TRABD2A: variants seen among roughly 807,000 people sequenced by gnomAD.
The protein encoded by TRABD2A is metalloprotease TIKI1.
Under a neutral mutation model 45.6 loss-of-function variants are expected in TRABD2A, and 43 were observed. The ratio of observed to expected loss-of-function variants is 0.94; its 90% CI spans 0.74 to 1.22. The LOEUF is 1.22. Ranked by LOEUF, TRABD2A falls within the 50% of genes most tolerant of loss-of-function variation. The pLI is 0.00. For missense variants in TRABD2A, 642 were observed against 652.4 expected, an observed-to-expected ratio of 0.98 and a Z score of 0.17; for synonymous variants, 269 against 265.0, an observed-to-expected ratio of 1.02 and a Z score of -0.15.
intron 6 of TRABD2A, 36 bp downstream of exon 6, chr2:84,823,917 G>A (rs200937976): frequency 6.2e-7 from 1 of 1,610,566 alleles, no homozygotes; most frequent in South Asian, 1.1e-5. Context: ...CTAGGGTAAA[G>A]GTGGATGCCA....
At chr2:84,843,929 A>G (rs927448303) in intron 2 of TRABD2A, 7 of 152,120 alleles carry the variant, frequency 4.6e-5, no homozygotes, top group Admixed American at 1.3e-4. Flanking sequence ...CTGTGATGCA[A>G]CCTTAACCAA....
chr2:84,839,607 A>T (rs924788678), intron 3 of TRABD2A, among the ~76,000 whole-genome samples: 1 of 146,218 alleles, frequency 6.8e-6, no homozygotes, highest in African/African-American at 2.5e-5. Flanking sequence ...TGTGTTTATA[A>T]AAAAAAAAAA....
intron 6 of TRABD2A, among the ~76,000 whole-genome samples, chr2:84,822,453 C>A (rs1300022381): frequency 6.6e-6 from 1 of 152,190 alleles, no homozygotes; most frequent in Non-Finnish European, 1.5e-5. Flanking sequence ...CTGGCCACCA[C>A]AGAGGCAGAG....
chr2:84,870,728 A>G lies in TRABD2A; in HGVS notation c.166T>C (p.Phe56Leu). 6.2e-7 allele frequency: 1 copy of G among 1,601,876 alleles called. No homozygotes were observed. Among genetic ancestry groups the G allele is most frequent in the South Asian group, 1.1e-5 (1 of 88,634 alleles). Residue 56 changes from phenylalanine (F) to leucine (L), a missense_variant, in exon 2 of 7, where the codon TTT (phenylalanine) becomes CTT (leucine). By Grantham distance (22) the Phe-to-Leu change is conservative (BLOSUM62 0). Coordinates refer to ENST00000409520, the MANE Select transcript of TRABD2A (RefSeq NM_001277053.2). ...GTGTACGGGACATGGATTGTGCCAAAGAAGTAAGATGGTGGGTCTCGCTTA... is the reference window on the plus strand; with the variant it reads ...GTGTACGGGACATGGATTGTGCCAAGGAAGTAAGATGGTGGGTCTCGCTTA... ...TIKRDPPSYF[F>L]GTIHVPYTRV... is the part of the protein sequence containing the mutation.
At chr2:84,869,973 CAAAAAAA>C (rs36090318) in intron 2 of TRABD2A, among the ~76,000 whole-genome samples, 1,192 of 76,432 alleles carry the variant, frequency 0.016, 18 homozygotes, top group African/African-American at 0.052. Flanking sequence ...GACTCTGTCC[CAAAAAAA>C]AAAAAAAAAA....
At position 84,838,668 on chromosome 2, in the gene TRABD2A, A is replaced by AGCCCCGGAG. The variant is rs545447042; in HGVS notation, c.991+480_991+481insCTCCGGGGC. On this transcript the variant is annotated intron_variant, in intron 4 of 6. Transcript: ENST00000409520. The stretch of plus-strand genomic sequence containing the variant: ...TGTCAGAGTCACTCCGGGGGAGAGA[A>AGCCCCGGAG]TTTATTTCAAGAAGCCCACAAAAGA... 1.8e-3 allele frequency among the ~76,000 whole-genome samples: 278 copies of AGCCCCGGAG among 152,262 alleles called. 1 individual carries two copies. Among genetic ancestry groups the AGCCCCGGAG allele is most frequent in the African/African-American group, 6.5e-3 (271 of 41,532 alleles).
intron 2 of TRABD2A, among the ~76,000 whole-genome samples, chr2:84,856,357 A>G (rs1682304518): frequency 6.6e-6 from 1 of 152,200 alleles, no homozygotes; most frequent in African/African-American, 2.4e-5. Flanking sequence ...GGAAGAGTCT[A>G]GACTGGCCCC....
Position 84,880,972 on chromosome 2 carries a change from C to G in TRABD2A, c.68G>C (p.Arg23Pro). The G allele has an allele frequency of 6.2e-7, 1 of 1,602,378 alleles. No individual in the cohort carries two copies. The highest frequency in any genetic ancestry group is 8.5e-7 in the Non-Finnish European group (1 of 1,175,380). Residue 23 changes from arginine to proline, a missense_variant, in exon 1 of 7, where the codon CGC becomes CCC. Transcript: ENST00000409520. Reference sequence around the variant, plus strand: ...GCAGTTGGCGGTGCCGGGCGCCCCGCGCCGCGAAGCTGCGCCCGTGGGCAG... The same window carrying G: ...GCAGTTGGCGGTGCCGGGCGCCCCGGGCCGCGAAGCTGCGCCCGTGGGCAG... ...CLLPTGAASRRGAPGTANCEL... is the reference protein window; with the variant it reads ...CLLPTGAASRPGAPGTANCEL...
At chr2:84,859,787 T>C (rs866501527) in intron 2 of TRABD2A, among the ~76,000 whole-genome samples, 9 of 152,158 alleles carry the variant, frequency 5.9e-5, no homozygotes, top group African/African-American at 2.2e-4. Context: ...GTTCCAAATT[T>C]TGCATTACTA....
At chr2:84,864,500 G>A (rs1367993574) in intron 2 of TRABD2A, among the ~76,000 whole-genome samples, 8 of 152,072 alleles carry the variant, frequency 5.3e-5, no homozygotes, top group Admixed American at 1.3e-4. Flanking sequence ...TAGGGGTCCC[G>A]CATGACACTC....
chr2:84,840,895 C>A (rs944695168), intron 3 of TRABD2A, among the ~76,000 whole-genome samples: 2 of 152,158 alleles, frequency 1.3e-5, no homozygotes, highest in East Asian at 3.8e-4. Context: ...TGAAATGTCA[C>A]CTTTCTGGGC....
In TRABD2A at chr2:84,841,701, G is replaced by A. The variant is rs531876611; in HGVS notation, c.816+160C>T. Among the ~76,000 whole-genome samples the A allele has an allele frequency of 1.8e-4, 27 of 152,304 alleles. No individual in the cohort carries two copies. The South Asian group carries it at 4.1e-3, about 23-fold the overall frequency. On this transcript the variant is annotated intron_variant, in intron 3 of 6. Transcript: ENST00000409520. ...TACAAGGTTTGTAAAGCTTTCATTC[G>A]CTGTAGTGCCTCATTCAATGACATC...
intron 5 of TRABD2A, among the ~76,000 whole-genome samples, chr2:84,829,447 G>A (rs911592949): frequency 1.8e-4 from 21 of 115,886 alleles, no homozygotes; most frequent in African/African-American, 7.0e-4. Flanking sequence ...CAAAACACAC[G>A]TACCACACAC....
At position 84,846,887 on chromosome 2, in the gene TRABD2A, G is replaced by A. The variant is rs533657868; in HGVS notation, c.670-4880C>T. On this transcript the variant is annotated intron_variant, in intron 2 of 6. Coordinates refer to ENST00000409520, the MANE Select transcript of TRABD2A (RefSeq NM_001277053.2). ...CCCTGATGACTCAAGGTGCCTGTTC[G>A]CACACTACCACCACAAACCAGGGAG... Among the ~76,000 whole-genome samples the A allele has an allele frequency of 1.2e-3, 187 of 152,316 alleles. 7 individuals are homozygous for A. In the South Asian group the frequency reaches 0.034, roughly 28 times the overall value.
chr2:84,848,375 T>TAGATAGACAGACAGAC (rs1315427907), intron 2 of TRABD2A, among the ~76,000 whole-genome samples: 11 of 80,586 alleles, frequency 1.4e-4, no homozygotes, highest in Admixed American at 9.6e-4. Flanking sequence ...GATAGATAGA[T>TAGATAGACAGACAGAC]AGACAGACAG....
chr2:84,874,615 C>T (rs936677142), intron 1 of TRABD2A: 3 of 153,040 alleles, frequency 2.0e-5, no homozygotes, highest in African/African-American at 7.2e-5. Context: ...ACCATGCCAC[C>T]TAAGTTGGAC....
intron 2 of TRABD2A, among the ~76,000 whole-genome samples, chr2:84,865,198 C>A (rs1682636270): frequency 6.6e-6 from 1 of 151,808 alleles, no homozygotes; most frequent in South Asian, 2.1e-4. Context: ...CCACTGAGCC[C>A]AAACCACTAT....
At chr2:84,873,912 A>G (rs1682948341) in intron 1 of TRABD2A, among the ~76,000 whole-genome samples, 1 of 152,244 alleles carries the variant, frequency 6.6e-6, no homozygotes, top group South Asian at 2.1e-4. Flanking sequence ...TGGGAGACAC[A>G]GCAAACAAGC....
intron 4 of TRABD2A, chr2:84,832,383 G>A: frequency 1.9e-6 from 1 of 521,682 alleles, no homozygotes; most frequent in Non-Finnish European, 3.5e-6. Context: ...AATGCAGCAA[G>A]TTACCTGAAG....
Sources: allele counts gnomAD v4.1 joint callset (sites outside exome capture counted in the v4.1 genomes callset), GRCh38; gene constraint gnomAD v4.1.1; transcripts MANE v1.5; gene names NCBI Gene and HGNC (gene_info 2026-07-23, HGNC 2026-07-21).